ANO2: variants seen among roughly 807,000 people sequenced by gnomAD.
The protein encoded by ANO2 is anoctamin 2, also known as anoctamin-2.
A neutral mutation model predicts 124.2 loss-of-function variants in ANO2; 101 were observed. That is an observed-to-expected ratio of 0.81 (90% CI 0.69 to 0.96). The LOEUF (loss-of-function observed/expected upper bound fraction) is 0.96, where lower values mean the gene tolerates loss of function less well. Among genes scored for constraint, ANO2 ranks in the 40% least tolerant of loss-of-function variants. The pLI, the probability that ANO2 is intolerant of heterozygous loss-of-function variation, is 0.00. For missense variants in ANO2, 1,293 were observed against 1,274.5 expected, an observed-to-expected ratio of 1.01 and a Z score of -0.22; for synonymous variants, 486 against 482.5, an observed-to-expected ratio of 1.01 and a Z score of -0.09.
At chr12:5,704,158 G>A (rs2137031202) in intron 14 of ANO2, among the ~76,000 whole-genome samples, 1 of 152,236 alleles carries the variant, frequency 6.6e-6, no homozygotes, top group East Asian at 1.9e-4. Flanking sequence ...GGACTCTTCA[G>A]CATATAATAC....
chr12:5,850,413 C>T (rs1432331702), intron 4 of ANO2, among the ~76,000 whole-genome samples: 1 of 70,814 alleles, frequency 1.4e-5, no homozygotes, highest in African/African-American at 3.8e-5. Context: ...GACACTCCAT[C>T]TCAAAAAAAA....
At chr12:5,613,718 T>G (rs1174610257) in intron 17 of ANO2, among the ~76,000 whole-genome samples, 2 of 152,216 alleles carry the variant, frequency 1.3e-5, no homozygotes, top group African/African-American at 4.8e-5. Flanking sequence ...AACACTTTAT[T>G]TATACCTCTT....
intron 13 of ANO2, among the ~76,000 whole-genome samples, chr12:5,737,837 C>A (rs1950938086): frequency 6.6e-6 from 1 of 152,178 alleles, no homozygotes; most frequent in African/African-American, 2.4e-5. Context: ...ATGCAACTGT[C>A]TTTACTATTC....
At position 5,807,354 on chromosome 12, in the gene ANO2, T is replaced by A; in HGVS notation, c.907A>T (p.Ile303Phe). 6.4e-7 allele frequency: 1 copy of A among 1,557,016 alleles called. No individual in the cohort carries two copies. The highest frequency in any genetic ancestry group is 8.7e-7 in the Non-Finnish European group (1 of 1,149,930). The change falls in exon 8 of 25, where the codon ATC (isoleucine) becomes TTC (phenylalanine). Residue 303 changes from isoleucine to phenylalanine, a missense_variant. Physicochemically the swap from Ile to Phe is conservative, Grantham distance 21. Transcript: ENST00000682330. Reference protein sequence around the residue: ...ANNTMGINSLIANNIYEAAYP... With the variant: ...ANNTMGINSLFANNIYEAAYP... The stretch of plus-strand genomic sequence containing the variant: ...GCAGCCTCATAGATATTGTTTGCGA[T>A]CAGAGAGTTAATACCTACGGAAGAA...
At chr12:5,880,683 C>T (rs1451074005) in intron 3 of ANO2, among the ~76,000 whole-genome samples, 1 of 151,844 alleles carries the variant, frequency 6.6e-6, no homozygotes, top group Non-Finnish European at 1.5e-5. Context: ...AATAGAAATA[C>T]CAAAATAAAT....
intron 3 of ANO2, among the ~76,000 whole-genome samples, chr12:5,887,460 G>A (rs995451935): frequency 2.0e-5 from 3 of 152,160 alleles, no homozygotes; most frequent in African/African-American, 7.2e-5. Context: ...TGCTCCTCAG[G>A]GTTGCCCATG....
Position 5,827,714 on chromosome 12 carries a change from G to A in ANO2, c.892+55C>T, listed in dbSNP as rs768186619. 5.7e-6 allele frequency: 9 copies of A among 1,569,454 alleles called. No individual in the cohort carries two copies. The Admixed American group carries it at 7.2e-5, about 13-fold the overall frequency. ...ACCAAGGGAGCTGTTGAAAGCACGG[G>A]GCGGGAGCCGCCTCAGCGCCCGTCA... On this transcript the variant is annotated intron_variant, in intron 7 of 24. Transcript: ENST00000682330.
intron 14 of ANO2, among the ~76,000 whole-genome samples, chr12:5,712,064 C>T (rs771346062): frequency 6.6e-6 from 1 of 152,114 alleles, no homozygotes; most frequent in African/African-American, 2.4e-5. Context: ...AGGCCCTGTG[C>T]TAGAAGCCAA....
intron 19 of ANO2, among the ~76,000 whole-genome samples, chr12:5,607,774 G>A (rs1305914587): frequency 6.6e-6 from 1 of 152,166 alleles, no homozygotes; most frequent in Non-Finnish European, 1.5e-5. Context: ...TGCTCCTTAT[G>A]AGAATCCAAT....
intron 23 of ANO2, among the ~76,000 whole-genome samples, chr12:5,570,187 A>C (rs1232524805): frequency 1.3e-5 from 2 of 152,224 alleles, no homozygotes; most frequent in Non-Finnish European, 2.9e-5. Flanking sequence ...ACATGACTTA[A>C]ATAAGATTTC....
At chr12:5,834,495 C>A (rs1284442483) in intron 4 of ANO2, among the ~76,000 whole-genome samples, 1 of 152,202 alleles carries the variant, frequency 6.6e-6, no homozygotes, top group Non-Finnish European at 1.5e-5. Flanking sequence ...GAATTAGAAA[C>A]ATATTCGTTG....
intron 15 of ANO2, among the ~76,000 whole-genome samples, chr12:5,647,265 G>A (rs1433521751): frequency 1.3e-5 from 2 of 152,200 alleles, no homozygotes; most frequent in Non-Finnish European, 1.5e-5. Context: ...AGCTGAGACC[G>A]TCTGGGTCTT....
rs1344054087 is a variant in ANO2 at position 5,862,381 on chromosome 12, G to C, written c.535-8240C>G. On this transcript the variant is annotated intron_variant, in intron 3 of 24. Transcript: ENST00000682330. The surrounding 1 kb of genome is among the most constrained non-coding windows in gnomAD (Gnocchi z 4.0). ...CAACCAACGACCAGGGACAACCCAG[G>C]GTCCTATGGACATGAAAACTCAGCC... 6.6e-6 allele frequency among the ~76,000 whole-genome samples: 1 copy of C among 152,140 alleles called. No individual in the cohort carries two copies. Among genetic ancestry groups the C allele is most frequent in the Non-Finnish European group, 1.5e-5 (1 of 68,018 alleles).
intron 22 of ANO2, among the ~76,000 whole-genome samples, chr12:5,577,482 C>T (rs1314434071): frequency 6.6e-6 from 1 of 152,240 alleles, no homozygotes; most frequent in Non-Finnish European, 1.5e-5. Context: ...GACCCTTCTT[C>T]TATGTCCTAT....
intron 14 of ANO2, among the ~76,000 whole-genome samples, chr12:5,667,193 C>T (rs1947773203): frequency 6.6e-6 from 1 of 152,134 alleles, no homozygotes; most frequent in African/African-American, 2.4e-5. Context: ...TAAACCATAA[C>T]CTTAAGTACA....
At chr12:5,588,586 T>C (rs1326141583) in intron 20 of ANO2, among the ~76,000 whole-genome samples, 1 of 152,220 alleles carries the variant, frequency 6.6e-6, no homozygotes, top group Non-Finnish European at 1.5e-5. Flanking sequence ...TCAGCTGGTC[T>C]CATGGTCTGA....
rs1217425341 is a variant in ANO2, at chr12:5,669,042, T to G, written c.1546-21241A>C. On this transcript the variant is annotated intron_variant, in intron 14 of 24. Coordinates refer to ENST00000682330, the MANE Select transcript of ANO2 (RefSeq NM_001364791.2). ...TTGGTTATACAAGCTCTTTTTTTAG[T>G]ACCATATGAATTTTAAAATCGTTTC... Among the ~76,000 whole-genome samples, 13 of 151,594 alleles carry G rather than the reference T, an allele frequency of 8.6e-5. No individual in the cohort carries two copies. In the East Asian group the frequency reaches 2.3e-3, roughly 27 times the overall value.
intron 19 of ANO2, among the ~76,000 whole-genome samples, chr12:5,603,817 C>G (rs1442403824): frequency 6.6e-6 from 1 of 151,702 alleles, no homozygotes; most frequent in Admixed American, 6.6e-5. Flanking sequence ...CGGTGGTGGG[C>G]GCCTGTAGTC....
In ANO2 at chr12:5,649,316, G is replaced by C. The variant is rs545194582; in HGVS notation, c.1546-1515C>G. Among the ~76,000 whole-genome samples, 3 of 152,344 alleles carry C rather than the reference G, an allele frequency of 2.0e-5. No homozygotes were observed. In the East Asian group the frequency reaches 5.8e-4, roughly 29 times the overall value. ...TTGGTAATTAGCACTTGCATTTACA[G>C]ATTATGTAAACAAGCAATAGATTCA... On this transcript the variant is annotated intron_variant, in intron 14 of 24. Coordinates refer to ENST00000682330, the MANE Select transcript of ANO2 (RefSeq NM_001364791.2).
Sources: allele counts gnomAD v4.1 joint callset (sites outside exome capture counted in the v4.1 genomes callset), GRCh38; gene constraint gnomAD v4.1.1; non-coding constraint Gnocchi (gnomAD v3.1); transcripts MANE v1.5; gene names NCBI Gene and HGNC (gene_info 2026-07-23, HGNC 2026-07-21).